The following MCM9 variants were observed in gnomAD, a reference collection of about 807,000 sequenced individuals.
MCM9 encodes the protein minichromosome maintenance 9 homologous recombination repair factor.
A neutral mutation model predicts 72.8 loss-of-function variants in MCM9; 55 were observed. The observed-to-expected ratio is 0.76, with a 90% CI of 0.61 to 0.95. The LOEUF is 0.95. MCM9 is among the 40% of genes least tolerant of loss of function. The pLI is 0.00. For synonymous variants in MCM9, 480 were observed against 503.4 expected (o/e 0.95, Z 0.62); for missense variants, 1,279 against 1,377.0 (o/e 0.93, Z 1.13).
chr6:118,847,198 G>A (rs144534969), intron 9 of MCM9, among the ~76,000 whole-genome samples: 1,812 of 151,688 alleles, frequency 0.012, 83 homozygotes, highest in African/African-American at 0.042. Context: ...ACAGAGAATC[G>A]AACACTGCAT....
intron 9 of MCM9, among the ~76,000 whole-genome samples, chr6:118,845,833 C>A (rs906539119): frequency 8.6e-5 from 13 of 151,666 alleles, no homozygotes; most frequent in Non-Finnish European, 5.9e-5. Flanking sequence ...GCCTCTATAA[C>A]CCTAGAGGCA....
At chr6:118,843,644 A>ATATATATATATATATATATACACGTG in intron 9 of MCM9, among the ~76,000 whole-genome samples, 2 of 43,998 alleles carry the variant, frequency 4.5e-5, no homozygotes, top group East Asian at 9.5e-4. Context: ...AACAAAACAT[A>ATATATATATATATATATATACACGTG]TATATATATA....
intron 9 of MCM9, among the ~76,000 whole-genome samples, chr6:118,831,480 TGA>T (rs1774558805): frequency 6.6e-6 from 1 of 151,810 alleles, no homozygotes. Flanking sequence ...GAGGAGATTA[TGA>T]GAGATAAGTC....
At chr6:118,886,857 C>A (rs1778639458) in intron 8 of MCM9, among the ~76,000 whole-genome samples, 1 of 152,084 alleles carries the variant, frequency 6.6e-6, no homozygotes, top group African/African-American at 2.4e-5. Context: ...CCTAGCTACT[C>A]TGGAGGCTGA....
At chr6:118,820,336 G>C (rs1773713997) in intron 13 of MCM9, among the ~76,000 whole-genome samples, 1 of 151,066 alleles carries the variant, frequency 6.6e-6, no homozygotes, top group African/African-American at 2.4e-5. Flanking sequence ...TGTTTTCATT[G>C]GTTTCAAAGA....
intron 3 of MCM9, among the ~76,000 whole-genome samples, chr6:118,925,308 G>A (rs910427337): frequency 3.9e-5 from 6 of 152,098 alleles, no homozygotes; most frequent in South Asian, 2.1e-4. Flanking sequence ...AGGTAGGTAC[G>A]CCTACTGAAG....
intron 9 of MCM9, among the ~76,000 whole-genome samples, chr6:118,848,382 G>A (rs958690703): frequency 6.6e-6 from 1 of 151,716 alleles, no homozygotes; most frequent in African/African-American, 2.4e-5. Flanking sequence ...GTAAGCCCTA[G>A]AATAGGGGTT....
At chr6:118,849,677 A>G (rs1241669962) in intron 9 of MCM9, among the ~76,000 whole-genome samples, 1 of 151,848 alleles carries the variant, frequency 6.6e-6, no homozygotes, top group Non-Finnish European at 1.5e-5. Flanking sequence ...CTCTCTAAGC[A>G]ACTCTTGGGA....
intron 9 of MCM9, among the ~76,000 whole-genome samples, chr6:118,854,424 C>T (rs1312001963): frequency 1.3e-5 from 2 of 151,202 alleles, no homozygotes; most frequent in Admixed American, 1.3e-4. Context: ...ACGATCTTGG[C>T]TTACTGCAAC....
chr6:118,844,591 C>A (rs1165976983), intron 9 of MCM9, among the ~76,000 whole-genome samples: 2 of 151,418 alleles, frequency 1.3e-5, no homozygotes, highest in Non-Finnish European at 2.9e-5. Context: ...GAAAACAGAT[C>A]ACGTAATTGG....
chr6:118,861,322 CA>C (rs1347620347), intron 8 of MCM9, among the ~76,000 whole-genome samples: 1 of 152,210 alleles, frequency 6.6e-6, no homozygotes, highest in African/African-American at 2.4e-5. Context: ...CAGGGAGCCC[CA>C]ATGTTTGGGC....
Position 118,815,066 on chromosome 6 carries a change from T to C in MCM9, c.3190A>G (p.Thr1064Ala), listed in dbSNP as rs918047529. ...TLARLANFCF[T>A]PPSESKSKSP... ...TTTGATTTGGATTCCGATGGGGGAG[T>C]AAAGCAGAAGTTTGCCAATCTGGCT... The change falls in exon 14 of 14, where the codon ACT becomes GCT. Residue 1064 changes from threonine to alanine, a missense_variant. Coordinates refer to ENST00000619706, the MANE Select transcript of MCM9 (RefSeq NM_017696.3). 9.7e-6 allele frequency: 15 copies of C among 1,550,450 alleles called. No individual in the cohort carries two copies. The highest frequency in any genetic ancestry group is 4.1e-5 in the African/African-American group (3 of 73,044).
Position 118,815,785 on chromosome 6 carries a change from G to A in MCM9, c.2471C>T (p.Ala824Val). 1 of 1,540,004 alleles carries A rather than the reference G, an allele frequency of 6.5e-7. No individual in the cohort carries two copies. The highest frequency in any genetic ancestry group is 8.7e-7 in the Non-Finnish European group (1 of 1,147,026). Residue 824 changes from alanine (A) to valine (V), a missense_variant, in exon 14 of 14, where the codon GCA (alanine) becomes GTA (valine). Physicochemically the swap from Ala to Val is moderately conservative, Grantham distance 64. Coordinates refer to ENST00000619706, the MANE Select transcript of MCM9 (RefSeq NM_017696.3). ...NVESNKKKRL[A>V]LDSEAAVSAD... ...AGAGACTGCTGCTTCAGAATCTAGT[G>A]CTAGCCTTTTTTTCTTGTTACTTTC...
intron 8 of MCM9, among the ~76,000 whole-genome samples, chr6:118,876,637 GAAAAATTAT>G (rs1777947749): frequency 6.6e-6 from 1 of 152,172 alleles, no homozygotes; most frequent in Admixed American, 6.5e-5. Context: ...AGTACTCAAA[GAAAAATTAT>G]AAGTTGATCC....
intron 3 of MCM9, among the ~76,000 whole-genome samples, chr6:118,925,592 T>C (rs1781827664): frequency 6.6e-6 from 1 of 152,168 alleles, no homozygotes; most frequent in Non-Finnish European, 1.5e-5. Context: ...CCATACACTG[T>C]AGAGTGTATA....
Position 118,886,843 on chromosome 6 carries a change from T to C in MCM9, c.1150+24807A>G, listed in dbSNP as rs139382567. 1.6e-4 allele frequency among the ~76,000 whole-genome samples: 24 copies of C among 152,180 alleles called. No individual in the cohort carries two copies. In the East Asian group the frequency reaches 4.6e-3, roughly 29 times the overall value. On this transcript the variant is annotated intron_variant, in intron 8 of 13. Transcript: ENST00000619706. ...GTGGTGGCACACACACACACACCTG[T>C]AGTCCTAGCTACTCTGGAGGCTGAC...
rs1048882105 is a variant in MCM9, at chr6:118,815,036, G to A, written c.3220C>T (p.Pro1074Ser). 1.2e-5 allele frequency: 18 copies of A among 1,550,288 alleles called. No homozygotes were observed. Among genetic ancestry groups the A allele is most frequent in the Non-Finnish European group, 1.6e-5 (18 of 1,146,820 alleles). ...CCTCGGTTCTTCCTTTCAGGAGGAG[G>A]GGATTTTGATTTGGATTCCGATGGG... Reference protein sequence around the residue: ...TPPSESKSKSPPPERKNRGER... With the variant: ...TPPSESKSKSSPPERKNRGER... Residue 1074 changes from proline to serine, a missense_variant, in exon 14 of 14, where the codon CCT becomes TCT. Physicochemically the swap from Pro to Ser is moderately conservative, Grantham distance 74 (BLOSUM62 -1). Coordinates refer to ENST00000619706, the MANE Select transcript of MCM9 (RefSeq NM_017696.3).
chr6:118,862,384 G>A (rs1776960931), intron 8 of MCM9, among the ~76,000 whole-genome samples: 1 of 152,190 alleles, frequency 6.6e-6, no homozygotes, highest in South Asian at 2.1e-4. Context: ...TGCTCCAAAT[G>A]GGCTGATGCC....
At chr6:118,866,590 A>C (rs1222203922) in intron 8 of MCM9, among the ~76,000 whole-genome samples, 2 of 152,242 alleles carry the variant, frequency 1.3e-5, no homozygotes, top group Non-Finnish European at 2.9e-5. Flanking sequence ...ATCCAGTAGA[A>C]GAATAGATTG....
Sources: allele counts gnomAD v4.1 joint callset (sites outside exome capture counted in the v4.1 genomes callset), GRCh38; gene constraint gnomAD v4.1.1; transcripts MANE v1.5; gene names NCBI Gene and HGNC (gene_info 2026-07-23, HGNC 2026-07-21).